The following MYO1B variants were observed in gnomAD, a reference collection of about 807,000 sequenced individuals.
The protein encoded by MYO1B is unconventional myosin-Ib.
MYO1B carries 72 observed loss-of-function variants against 159.7 expected under a neutral mutation model. That is an observed-to-expected ratio of 0.45 (90% confidence interval 0.37 to 0.55). The LOEUF is 0.55. MYO1B is among the 20% of genes least tolerant of loss of function. The pLI is 0.00. For missense variants in MYO1B, 1,062 were observed against 1,364.8 expected (o/e 0.78, Z 3.50); for synonymous variants, 468 against 473.8 (o/e 0.99, Z 0.16).
intron 2 of MYO1B, among the ~76,000 whole-genome samples, chr2:191,295,811 G>T (rs1409025562): frequency 6.6e-6 from 1 of 152,194 alleles, no homozygotes; most frequent in Non-Finnish European, 1.5e-5. Flanking sequence ...GACAAAATTT[G>T]TGGAAAATAT....
At chr2:191,263,418 G>A (rs533490110) in intron 1 of MYO1B, 1 of 767,094 alleles carries the variant, frequency 1.3e-6, no homozygotes, top group East Asian at 1.3e-4. Flanking sequence ...AAACCAGAGG[G>A]GCCTTATAAT....
intron 2 of MYO1B, among the ~76,000 whole-genome samples, chr2:191,283,171 T>G (rs1226147481): frequency 6.6e-6 from 1 of 152,204 alleles, no homozygotes; most frequent in South Asian, 2.1e-4. Flanking sequence ...ATTGGAAAAT[T>G]TCTTCCTCTT....
chr2:191,256,898 A>G (rs1464735617), intron 1 of MYO1B, among the ~76,000 whole-genome samples: 1 of 152,280 alleles, frequency 6.6e-6, no homozygotes, highest in East Asian at 1.9e-4. Flanking sequence ...AAGTATCCCC[A>G]AAAGTTAGAA....
chr2:191,408,743 T>A (rs373149375), intron 25 of MYO1B, among the ~76,000 whole-genome samples: 1 of 152,226 alleles, frequency 6.6e-6, no homozygotes, highest in Non-Finnish European at 1.5e-5. Flanking sequence ...AAATAGCCTG[T>A]GTGACTAGTG....
intron 3 of MYO1B, among the ~76,000 whole-genome samples, chr2:191,317,212 G>A (rs986933068): frequency 3.3e-5 from 5 of 150,384 alleles, no homozygotes; most frequent in African/African-American, 1.2e-4. Context: ...TTGGCAGATT[G>A]TAGGCACTGG....
chr2:191,408,088 A>G, intron 24 of MYO1B, 27 bp from the exon 25 acceptor site: 1 of 1,529,706 alleles, frequency 6.5e-7, no homozygotes. Context: ...CACATTAACC[A>G]CTGTAACCTA....
At position 191,415,747 on chromosome 2, in the gene MYO1B, T is replaced by TG. The variant is rs1697523933; in HGVS notation, c.3160-367dup. On this transcript the variant is annotated intron_variant, in intron 29 of 30. Transcript: ENST00000392318. Reference sequence around the variant, plus strand: ...TTTTAATCAAGTCCTTCAGAAGAGTTGCGGGATAGGTCCATGCTCCTCAAA... The same window carrying TG: ...TTTTAATCAAGTCCTTCAGAAGAGTTGGCGGGATAGGTCCATGCTCCTCAAA... Among the ~76,000 whole-genome samples, 2 of 152,280 alleles carry TG rather than the reference T, an allele frequency of 1.3e-5. 1 individual carries two copies. Among genetic ancestry groups the TG allele is most frequent in the East Asian group, 3.9e-4 (2 of 5,176 alleles).
intron 2 of MYO1B, among the ~76,000 whole-genome samples, chr2:191,294,690 A>G (rs1285299368): frequency 3.4e-5 from 5 of 147,660 alleles, no homozygotes; most frequent in African/African-American, 1.4e-4. Flanking sequence ...GAAAAATTGC[A>G]TGGGAACTGA....
chr2:191,416,225 T>C lies in MYO1B; in HGVS notation c.3270T>C (p.Asn1090=). The C allele has an allele frequency of 6.2e-7, 1 of 1,614,138 alleles. No individual in the cohort carries two copies. The stretch of plus-strand genomic sequence containing the variant: ...TCAGCCAAACCAAACAGAAGCTCAA[T>C]ATTGAGATTTCCGATGAGTACGTTC... ...TTLSQTKQKL[N]IEISDEFLVQ... is the part of the protein sequence containing the mutation. Residue 1090 remains asparagine, a synonymous_variant, in exon 30 of 31, where the codon AAT becomes AAC. Coordinates refer to ENST00000392318, the MANE Select transcript of MYO1B (RefSeq NM_001130158.3).
chr2:191,367,129 T>A (rs1322462986), intron 11 of MYO1B, among the ~76,000 whole-genome samples: 1 of 152,118 alleles, frequency 6.6e-6, no homozygotes, highest in Non-Finnish European at 1.5e-5. Flanking sequence ...GAAACTGAGA[T>A]GGTGAATTAG....
At chr2:191,254,654 C>T (rs930574125) in intron 1 of MYO1B, among the ~76,000 whole-genome samples, 3 of 151,940 alleles carry the variant, frequency 2.0e-5, no homozygotes, top group Admixed American at 1.3e-4. Flanking sequence ...TATTGGTGTG[C>T]GCCTCCATGC....
chr2:191,268,162 G>A (rs1190121297), intron 1 of MYO1B, among the ~76,000 whole-genome samples: 2 of 152,194 alleles, frequency 1.3e-5, no homozygotes, highest in Non-Finnish European at 2.9e-5. Context: ...CCATGGACCG[G>A]GTGGCTTAAA....
intron 6 of MYO1B, among the ~76,000 whole-genome samples, chr2:191,347,243 T>C (rs909077506): frequency 3.9e-5 from 6 of 152,200 alleles, no homozygotes; most frequent in Non-Finnish European, 8.8e-5. Context: ...GGAGATAGTT[T>C]TGATAGTTTA....
chr2:191,354,430 A>G (rs1473029234), intron 7 of MYO1B, among the ~76,000 whole-genome samples: 1 of 152,106 alleles, frequency 6.6e-6, no homozygotes, highest in East Asian at 1.9e-4. Context: ...TGTGCTAATC[A>G]TTTAAAAATA....
chr2:191,316,926 A>G (rs570500918), intron 3 of MYO1B, among the ~76,000 whole-genome samples: 2 of 152,322 alleles, frequency 1.3e-5, no homozygotes, highest in Admixed American at 1.3e-4. Flanking sequence ...AGATGTATTC[A>G]TTGATCCAGG....
chr2:191,400,950 T>C, intron 23 of MYO1B, 115 bp downstream of exon 23: 1 of 976,204 alleles, frequency 1.0e-6, no homozygotes, highest in Non-Finnish European at 1.5e-6. Context: ...CACTGGTGCA[T>C]GTCCTAGCCG....
chr2:191,295,594 G>T (rs879922222), intron 2 of MYO1B, among the ~76,000 whole-genome samples: 2 of 152,142 alleles, frequency 1.3e-5, no homozygotes, highest in East Asian at 1.9e-4. Context: ...TGAATTGAAC[G>T]TGATCTGAGC....
Position 191,386,002 on chromosome 2 carries a change from G to A in MYO1B, c.1472G>A (p.Ser491Asn). 1.2e-6 allele frequency: 2 copies of A among 1,614,112 alleles called. No homozygotes were observed. The highest frequency in any genetic ancestry group is 1.7e-6 in the Non-Finnish European group (2 of 1,179,990). The change falls in exon 16 of 31, where the codon AGC becomes AAC. Residue 491 changes from serine (S) to asparagine (N), a missense_variant. Physicochemically the swap from Ser to Asn is conservative, Grantham distance 46. This residue lies in a region of MYO1B where 26 missense variants were observed against 26.9 expected (regional missense o/e 0.97). Coordinates refer to ENST00000392318, the MANE Select transcript of MYO1B (RefSeq NM_001130158.3). ...QVCATHQHFE[S>N]RMSKCSRFLN... is the part of the protein sequence containing the mutation. ...TGTGCCACCCACCAGCATTTTGAGA[G>A]CAGGATGAGCAAGTGCTCTCGGTTC...
chr2:191,390,125 AGGT>A (rs10568418), intron 17 of MYO1B, among the ~76,000 whole-genome samples, 164 bp from the exon 18 acceptor site: 8,890 of 152,240 alleles, frequency 0.058, 863 homozygotes, highest in African/African-American at 0.2. Flanking sequence ...ATTTATTTTT[AGGT>A]GGTTATAAAA....
Sources: gnomAD v4.1 joint callset for allele counts (sites outside exome capture counted in the v4.1 genomes callset) on GRCh38, gnomAD v4.1.1 for gene constraint, gnomAD v4.1.1 regional missense constraint, MANE v1.5 for transcripts, NCBI Gene and HGNC (gene_info 2026-07-23, HGNC 2026-07-21) for gene names.